The following MRPL18 variants were observed in gnomAD, a reference collection of about 807,000 sequenced individuals.
The protein encoded by MRPL18 is large ribosomal subunit protein uL18m.
MRPL18 carries 16 observed loss-of-function variants against 20.9 expected under a neutral mutation model. The ratio of observed to expected loss-of-function variants is 0.76; its 90% CI spans 0.52 to 1.16. The LOEUF is 1.16. Ranked by LOEUF, MRPL18 falls within the 50% of genes most tolerant of loss-of-function variation. MRPL18 has a pLI of 0.00. For missense variants in MRPL18, 233 were observed against 230.6 expected, an observed-to-expected ratio of 1.01 and a Z score of -0.07; for synonymous variants, 91 against 87.1, an observed-to-expected ratio of 1.04 and a Z score of -0.25.
At chr6:159,792,050 TTA>T (rs1258462302) in intron 2 of MRPL18, among the ~76,000 whole-genome samples, 2 of 152,192 alleles carry the variant, frequency 1.3e-5, no homozygotes, top group African/African-American at 4.8e-5. Flanking sequence ...GCTACTTGCT[TTA>T]TATGTTTTTT....
intron 2 of MRPL18, among the ~76,000 whole-genome samples, chr6:159,795,571 A>C (rs1182706617): frequency 2.6e-5 from 4 of 152,194 alleles, no homozygotes; most frequent in Non-Finnish European, 5.9e-5. Flanking sequence ...GGTTGGGGGT[A>C]AGGTCATAGA....
chr6:159,794,276 G>T (rs1780979135), intron 2 of MRPL18, among the ~76,000 whole-genome samples: 1 of 152,122 alleles, frequency 6.6e-6, no homozygotes, highest in South Asian at 2.1e-4. Flanking sequence ...GATTCTTCAT[G>T]GTAGTTAAGA....
At chr6:159,795,449 G>T (rs1024782758) in intron 2 of MRPL18, among the ~76,000 whole-genome samples, 1 of 143,306 alleles carries the variant, frequency 7.0e-6, no homozygotes, top group African/African-American at 2.5e-5. Flanking sequence ...GAGTGGTGAT[G>T]ACTCTTAACG....
chr6:159,790,525 T>C lies in MRPL18; in HGVS notation c.-63T>C, dbSNP rs944430126. ...GTCCCTGACTTTATATGGCTGCTCC[T>C]GGCGAGCGACTGAGTCGTCCGTGAG... On this transcript the variant is annotated 5_prime_UTR_variant, in exon 1 of 4. Coordinates refer to ENST00000367034, the MANE Select transcript of MRPL18 (RefSeq NM_014161.5). 7 of 1,610,762 alleles carry C rather than the reference T, an allele frequency of 4.3e-6. No individual in the cohort carries two copies. In the African/African-American group the frequency reaches 9.4e-5, roughly 22 times the overall value.
chr6:159,796,569 C>T (rs1781033687), intron 2 of MRPL18, among the ~76,000 whole-genome samples: 1 of 151,650 alleles, frequency 6.6e-6, no homozygotes, highest in Non-Finnish European at 1.5e-5. Context: ...GGGTGGGTCG[C>T]TTGAGGCCAG....
chr6:159,794,089 G>A (rs944553779), intron 2 of MRPL18, among the ~76,000 whole-genome samples: 4 of 152,106 alleles, frequency 2.6e-5, no homozygotes, highest in Non-Finnish European at 4.4e-5. Flanking sequence ...TAACATATAC[G>A]TATGTTATAA....
intron 2 of MRPL18, among the ~76,000 whole-genome samples, chr6:159,793,174 A>C (rs1239077046): frequency 6.6e-6 from 1 of 152,144 alleles, no homozygotes; most frequent in Non-Finnish European, 1.5e-5. Flanking sequence ...AAATAACTAA[A>C]GATGTATTTC....
intron 2 of MRPL18, among the ~76,000 whole-genome samples, chr6:159,795,981 C>G (rs1187905522): frequency 1.3e-5 from 2 of 152,024 alleles, no homozygotes; most frequent in African/African-American, 4.8e-5. Context: ...GACAGAGTGT[C>G]ACTGTGTTGC....
At chr6:159,797,615 T>G (rs1781064529) in intron 3 of MRPL18, 97 bp downstream of exon 3, 2 of 1,136,474 alleles carry the variant, frequency 1.8e-6, no homozygotes, top group Admixed American at 4.0e-5. Context: ...TACCAAATAC[T>G]TTCCATGTGT....
At chr6:159,795,723 T>C (rs1032187893) in intron 2 of MRPL18, among the ~76,000 whole-genome samples, 3 of 152,238 alleles carry the variant, frequency 2.0e-5, no homozygotes, top group African/African-American at 7.2e-5. Flanking sequence ...TTGTTAATTA[T>C]AGGAGGCTTT....
chr6:159,795,321 A>G (rs1781004030), intron 2 of MRPL18, among the ~76,000 whole-genome samples: 1 of 152,146 alleles, frequency 6.6e-6, no homozygotes, highest in Non-Finnish European at 1.5e-5. Flanking sequence ...TTCCCTTCCC[A>G]CGAGGCCATA....
Position 159,790,951 on chromosome 6 carries a change from G to A in MRPL18, c.64G>A (p.Ala22Thr). The A allele has an allele frequency of 6.2e-7, 1 of 1,614,086 alleles. No individual in the cohort carries two copies. Among genetic ancestry groups the A allele is most frequent in the Non-Finnish European group, 8.5e-7 (1 of 1,180,016 alleles). Residue 22 changes from alanine to threonine, a missense_variant, in exon 2 of 4, where the codon GCA becomes ACA. Ala to Thr is a moderately conservative substitution (Grantham distance 58). Coordinates refer to ENST00000367034, the MANE Select transcript of MRPL18 (RefSeq NM_014161.5). ...TTCCCGTTGCCCAGGGTGCAGGTTC[G>A]CAGCCCTGTCAACCAGCTCCGAGCC... Reference protein sequence around the residue: ...SVCRNPGCRFAALSTSSEPAA... With the variant: ...SVCRNPGCRFTALSTSSEPAA...
In MRPL18 at chr6:159,798,284, T is replaced by A. The variant is rs1396792123; in HGVS notation, c.*161T>A. ...TAAGGTCATCCTCCTCCCCTTTCTG[T>A]TTTTTTAAATCAAGAACTACGTTCT... On this transcript the variant is annotated 3_prime_UTR_variant, in exon 4 of 4. Transcript: ENST00000367034. 4.4e-5 allele frequency: 24 copies of A among 542,068 alleles called. No individual in the cohort carries two copies. 33.6% of individuals were successfully genotyped at this position (542,068 alleles called of 1,614,324 possible). A position where few individuals can be genotyped will look rare whatever the true frequency, so the allele number is the denominator to read the frequency against.
intron 3 of MRPL18, 100 bp downstream of exon 3, chr6:159,797,618 C>A: frequency 9.0e-7 from 1 of 1,108,196 alleles, no homozygotes; most frequent in Non-Finnish European, 1.3e-6. Flanking sequence ...CAAATACTTT[C>A]CATGTGTCAG....
intron 3 of MRPL18, 75 bp downstream of exon 3, chr6:159,797,593 A>G: frequency 2.9e-6 from 4 of 1,375,236 alleles, no homozygotes; most frequent in Non-Finnish European, 4.1e-6. Context: ...CATAATAATA[A>G]CAGTTTTTAC....
rs566231425 is a variant in MRPL18 at position 159,796,973 on chromosome 6, T to C, written c.240-314T>C. Among the ~76,000 whole-genome samples, 4 of 152,122 alleles carry C rather than the reference T, an allele frequency of 2.6e-5. No individual in the cohort carries two copies. The East Asian group carries it at 7.7e-4, about 29-fold the overall frequency. On this transcript the variant is annotated intron_variant, in intron 2 of 3. Transcript: ENST00000367034. ...TAAAAGCAAAGAGTAAGTATATCCA[T>C]GTCATGCATATGTTCAGTAACTTAG...
intron 1 of MRPL18, 58 bp from the exon 2 acceptor site, chr6:159,790,882 T>G: frequency 6.3e-7 from 1 of 1,593,026 alleles, no homozygotes; most frequent in African/African-American, 1.3e-5. Flanking sequence ...TAGAGCGGGT[T>G]CGTGCGCTGT....
At position 159,797,517 on chromosome 6, in the gene MRPL18, C is replaced by T. The variant is rs74992920; in HGVS notation, c.470C>T (p.Ser157Leu). The T allele has an allele frequency of 9.9e-6, 16 of 1,613,006 alleles. No individual in the cohort carries two copies. The highest frequency in any genetic ancestry group is 6.7e-5 in the Admixed American group (4 of 59,980). Residue 157 changes from serine (S) to leucine (L), a missense_variant and splice_region_variant, in exon 3 of 4, where the codon TCG becomes TTG. Coordinates refer to ENST00000367034, the MANE Select transcript of MRPL18 (RefSeq NM_014161.5). ...ACCCCGTGGGAGGCAGCCTCAGACT[C>T]GGTATTTTTGTTTTCATGTACTTAT... is the stretch of plus-strand genomic sequence containing the variant. ...QPTPWEAASD[S>L]MKRLQSAMTE...
chr6:159,797,163 A>T, intron 2 of MRPL18, 124 bp from the exon 3 acceptor site: 1 of 884,768 alleles, frequency 1.1e-6, no homozygotes, highest in South Asian at 1.7e-5. Context: ...CAAGTTAAAT[A>T]TGTTGAAGTA....
Sources: allele counts gnomAD v4.1 joint callset (sites outside exome capture counted in the v4.1 genomes callset), GRCh38; gene constraint gnomAD v4.1.1; transcripts MANE v1.5; gene names NCBI Gene and HGNC (gene_info 2026-07-23, HGNC 2026-07-21).